Variants in PTPN5 observed in about 807,000 individuals in gnomAD.
The protein encoded by PTPN5 is tyrosine-protein phosphatase non-receptor type 5.
Under a neutral mutation model 73.9 loss-of-function variants are expected in PTPN5, and 29 were observed. The ratio of observed to expected loss-of-function variants is 0.39; its 90% CI spans 0.29 to 0.54. The LOEUF is 0.54. Ranked by LOEUF, PTPN5 falls within the 20% of genes least tolerant of loss-of-function variation. The pLI is 0.65. For missense variants in PTPN5, 652 were observed against 751.4 expected (o/e 0.87, Z 1.55); for synonymous variants, 267 against 304.7 (o/e 0.88, Z 1.29).
At chr11:18,791,125 G>C (rs1851901418) in intron 1 of PTPN5, among the ~76,000 whole-genome samples, 1 of 152,228 alleles carries the variant, frequency 6.6e-6, no homozygotes, top group African/African-American at 2.4e-5. Flanking sequence ...CCGCGCTTTA[G>C]AGGCCAGAAG....
intron 1 of PTPN5, among the ~76,000 whole-genome samples, chr11:18,779,241 C>G (rs1265579602): frequency 1.3e-5 from 2 of 152,008 alleles, no homozygotes; most frequent in Non-Finnish European, 2.9e-5. Flanking sequence ...CTGGGAAGAT[C>G]TTGGCATCTT....
Position 18,742,985 on chromosome 11 carries a change from G to GC in PTPN5, c.483+6dup, listed in dbSNP as rs1564897296. ...AGCCTTGAGGTTGGGGTCAGGAGGC[G>GC]CCTTACCAGGGTGGTAACGAGGACC... On this transcript the variant is annotated splice_region_variant and intron_variant, in intron 6 of 14. Transcript: ENST00000358540. The surrounding 1 kb of genome is among the most constrained non-coding windows in gnomAD (Gnocchi z 4.1). 1 of 1,537,690 alleles carries GC rather than the reference G, an allele frequency of 6.5e-7. No homozygotes were observed.
At position 18,729,850 on chromosome 11, in the gene PTPN5, T is replaced by C. The variant is rs772680562; in HGVS notation, c.1330-32A>G. 11 of 1,613,952 alleles carry C rather than the reference T, an allele frequency of 6.8e-6. No homozygotes were observed. Among genetic ancestry groups the C allele is most frequent in the Non-Finnish European group, 7.6e-6 (9 of 1,179,896 alleles). ...AGGAGACAGAGGCCCACCCCAGGTA[T>C]GTGTGAACTCTTTCAGCTCACAAAC... On this transcript the variant is annotated intron_variant, in intron 12 of 14. Transcript: ENST00000358540. The surrounding 1 kb of genome is among the most constrained non-coding windows in gnomAD (Gnocchi z 5.2).
intron 2 of PTPN5, among the ~76,000 whole-genome samples, chr11:18,768,326 T>C (rs1850728005): frequency 6.6e-6 from 1 of 152,192 alleles, no homozygotes; most frequent in African/African-American, 2.4e-5. Flanking sequence ...AGCCAGAGAA[T>C]GGGGTCTGAC....
chr11:18,757,572 G>C (rs1324240174), intron 3 of PTPN5, among the ~76,000 whole-genome samples: 2 of 152,130 alleles, frequency 1.3e-5, no homozygotes, highest in African/African-American at 4.8e-5. Context: ...ACTGCTTCAT[G>C]AGAGTACACT....
In PTPN5 at chr11:18,743,554, C is replaced by T. The variant is rs142798493; in HGVS notation, c.292-125G>A. ...GCTCCTGAACCTCTAAGGTCCAGAC[C>T]GGGCAGCTGAGAGCAGGGCCCCGGT... is the stretch of plus-strand genomic sequence containing the variant. On this transcript the variant is annotated intron_variant, in intron 4 of 14. Coordinates refer to ENST00000358540, the MANE Select transcript of PTPN5 (RefSeq NM_006906.2). 3.5e-4 allele frequency: 305 copies of T among 861,422 alleles called. 2 individuals are homozygous for T. The African/African-American group carries it at 4.4e-3, about 13-fold the overall frequency. 53.4% of individuals were successfully genotyped at this position (861,422 alleles called of 1,614,324 possible).
intron 1 of PTPN5, among the ~76,000 whole-genome samples, chr11:18,776,547 G>A (rs936077686): frequency 3.3e-5 from 5 of 152,036 alleles, no homozygotes; most frequent in African/African-American, 4.8e-5. Flanking sequence ...GCTGGATGTC[G>A]TGCCAAGCAC....
rs570779306 is a variant in PTPN5 at position 18,748,962 on chromosome 11, G to A, written c.98-4763C>T. On this transcript the variant is annotated intron_variant, in intron 3 of 14. Coordinates refer to ENST00000358540, the MANE Select transcript of PTPN5 (RefSeq NM_006906.2). ...TCTTTTGGGCTCTGTCCTGCTCCTA[G>A]AAATGACGTCAGCTCTTATCCTTTC... 2.2e-4 allele frequency among the ~76,000 whole-genome samples: 33 copies of A among 152,284 alleles called. No homozygotes were observed. In the South Asian group the frequency reaches 6.2e-3, roughly 29 times the overall value.
intron 2 of PTPN5, 72 bp from the exon 3 acceptor site, chr11:18,765,955 A>T (rs1413082221): frequency 1.8e-6 from 2 of 1,117,368 alleles, no homozygotes; most frequent in Non-Finnish European, 2.7e-6. Context: ...AGCAAAGATA[A>T]GAAGGCTCCC....
intron 1 of PTPN5, among the ~76,000 whole-genome samples, chr11:18,782,381 C>G (rs746717893): frequency 6.6e-6 from 1 of 152,096 alleles, no homozygotes; most frequent in Non-Finnish European, 1.5e-5. Context: ...GTGTGTACCA[C>G]CATGCCCAGC....
chr11:18,735,869 C>T (rs949317636), intron 9 of PTPN5, among the ~76,000 whole-genome samples: 5 of 151,922 alleles, frequency 3.3e-5, no homozygotes, highest in African/African-American at 1.2e-4. Context: ...TGTTTTGCCT[C>T]ATTTTGGTGA....
chr11:18,754,927 C>A (rs1850061086), intron 3 of PTPN5, among the ~76,000 whole-genome samples: 1 of 152,192 alleles, frequency 6.6e-6, no homozygotes, highest in African/African-American at 2.4e-5. Context: ...GTGAACCCTG[C>A]CTCCTGGTCT....
intron 1 of PTPN5, among the ~76,000 whole-genome samples, chr11:18,775,869 G>A (rs528517431): frequency 6.6e-6 from 1 of 152,172 alleles, no homozygotes; most frequent in Non-Finnish European, 1.5e-5. Flanking sequence ...AACCAGCAGA[G>A]GGCGCTCACA....
rs117567428 is a variant in PTPN5, at chr11:18,766,356, G to A, written c.21-473C>T. ...CATGCTCTCGCTGTTGTGCCATTCTGTCTCCTAGTTCCAGTAGTTTTGAAC... is the reference window on the plus strand; with the variant it reads ...CATGCTCTCGCTGTTGTGCCATTCTATCTCCTAGTTCCAGTAGTTTTGAAC... On this transcript the variant is annotated intron_variant, in intron 2 of 14. Transcript: ENST00000358540. 6.9e-3 allele frequency among the ~76,000 whole-genome samples: 1,043 copies of A among 152,258 alleles called. 5 individuals are homozygous for A. Among genetic ancestry groups the A allele is most frequent in the Middle Eastern group, 0.031 (9 of 294 alleles).
chr11:18,777,743 C>T (rs992808800), intron 1 of PTPN5, among the ~76,000 whole-genome samples: 2 of 152,076 alleles, frequency 1.3e-5, no homozygotes, highest in East Asian at 1.9e-4. Context: ...GCCATGAGTT[C>T]GAGACCAGCT....
chr11:18,737,985 G>A, intron 8 of PTPN5, 21 bp from the exon 9 acceptor site: 1 of 1,602,624 alleles, frequency 6.2e-7, no homozygotes, highest in Non-Finnish European at 8.6e-7. Context: ...AGGACACGGG[G>A]TGTGAGCAGC....
At chr11:18,740,564 G>A in intron 8 of PTPN5, 39 bp downstream of exon 8, 1 of 1,485,860 alleles carries the variant, frequency 6.7e-7, no homozygotes, top group Non-Finnish European at 9.0e-7. Flanking sequence ...ATTGACATGG[G>A]TCTGCACACA....
At chr11:18,739,550 T>C (rs1849272752) in intron 8 of PTPN5, among the ~76,000 whole-genome samples, 1 of 152,146 alleles carries the variant, frequency 6.6e-6, no homozygotes, top group South Asian at 2.1e-4. Context: ...ATGCAGGTGG[T>C]ACCAAGTTCT....
Position 18,728,977 on chromosome 11 carries a change from A to G in PTPN5, c.1655T>C (p.Met552Thr), listed in dbSNP as rs771326234. ...GGACAGCTGCTTTTCGTAGAGGCTC[A>G]TGACGTGGTGCACAAACTGGTACTG... ...CEQYQFVHHV[M>T]SLYEKQLSHQ... The change falls in exon 15 of 15, where the codon ATG (methionine) becomes ACG (threonine). Residue 552 changes from methionine to threonine, a missense_variant. By Grantham distance (81) the Met-to-Thr change is moderately conservative. Coordinates refer to ENST00000358540, the MANE Select transcript of PTPN5 (RefSeq NM_006906.2). The surrounding 1 kb of genome is among the most constrained non-coding windows in gnomAD (Gnocchi z 4.1). 1 of 1,613,708 alleles carries G rather than the reference A, an allele frequency of 6.2e-7. No homozygotes were observed. Among genetic ancestry groups the G allele is most frequent in the Non-Finnish European group, 8.5e-7 (1 of 1,179,836 alleles).
Sources: allele counts gnomAD v4.1 joint callset (sites outside exome capture counted in the v4.1 genomes callset), GRCh38; gene constraint gnomAD v4.1.1; non-coding constraint Gnocchi (gnomAD v3.1); transcripts MANE v1.5; gene names NCBI Gene and HGNC (gene_info 2026-07-23, HGNC 2026-07-21).